SYT1: variants seen among roughly 807,000 people sequenced by gnomAD.
SYT1 encodes the protein synaptotagmin 1, also known as synaptotagmin-1.
In SYT1, 8 loss-of-function variants were observed where a neutral mutation model predicts 44.8. The observed-to-expected ratio is 0.18, with a 90% confidence interval of 0.10 to 0.32. The LOEUF (loss-of-function observed/expected upper bound fraction) is 0.32, where lower values mean the gene tolerates loss of function less well. Among genes scored for constraint, SYT1 ranks in the 10% least tolerant of loss-of-function variants. The pLI, the probability that SYT1 is intolerant of heterozygous loss-of-function variation, is 1.00. For missense variants in SYT1, 286 were observed against 509.3 expected (o/e 0.56, Z 4.22); for synonymous variants, 154 against 188.8 (o/e 0.82, Z 1.51).
intron 1 of SYT1, among the ~76,000 whole-genome samples, chr12:78,927,809 C>G (rs773809795): frequency 1.3e-5 from 2 of 152,150 alleles, no homozygotes; most frequent in South Asian, 4.1e-4. Flanking sequence ...ATAAAGAACT[C>G]ATTGCTTTCT....
intron 3 of SYT1, among the ~76,000 whole-genome samples, chr12:79,082,883 G>A (rs1240462709): frequency 1.3e-5 from 2 of 152,168 alleles, no homozygotes; most frequent in African/African-American, 2.4e-5. Context: ...TCCTTGCCAG[G>A]TGAACACGTC....
At chr12:79,356,095 G>T (rs1883100251) in intron 9 of SYT1, among the ~76,000 whole-genome samples, 1 of 151,454 alleles carries the variant, frequency 6.6e-6, no homozygotes, top group Admixed American at 6.6e-5. Flanking sequence ...AAGAAGTGAT[G>T]AATTGAGCCA....
intron 3 of SYT1, among the ~76,000 whole-genome samples, chr12:79,112,036 A>AG (rs1879041348): frequency 6.6e-6 from 1 of 152,106 alleles, no homozygotes; most frequent in Admixed American, 6.5e-5. Flanking sequence ...GAAAAAAAAA[A>AG]AAACACAAAG....
At chr12:78,921,086 A>C (rs894972189) in intron 1 of SYT1, among the ~76,000 whole-genome samples, 1 of 151,998 alleles carries the variant, frequency 6.6e-6, no homozygotes, top group Non-Finnish European at 1.5e-5. Flanking sequence ...CCAAATAACT[A>C]AAATTAAAAG....
intron 3 of SYT1, among the ~76,000 whole-genome samples, chr12:79,161,575 A>G (rs1870952658): frequency 6.6e-6 from 1 of 152,180 alleles, no homozygotes; most frequent in African/African-American, 2.4e-5. Flanking sequence ...AACTACTACT[A>G]TATAATGGAT....
intron 8 of SYT1, among the ~76,000 whole-genome samples, chr12:79,328,938 A>G (rs796464832): frequency 2.6e-5 from 4 of 152,306 alleles, no homozygotes; most frequent in Admixed American, 6.5e-5. Flanking sequence ...GCCCTGAAGA[A>G]TAGCAAGCAT....
At position 79,292,136 on chromosome 12, in the gene SYT1, A is replaced by C; in HGVS notation, c.474+6A>C. The C allele has an allele frequency of 6.2e-7, 1 of 1,609,936 alleles. No individual in the cohort carries two copies. Among genetic ancestry groups the C allele is most frequent in the Non-Finnish European group, 8.5e-7 (1 of 1,178,852 alleles). ...ATGATTTCCAAAATAACCAGGTCTG[A>C]AGTGGAGAAATGTCTTCTAATTCCA... On this transcript the variant is annotated splice_donor_region_variant and intron_variant, in intron 6 of 10. Coordinates refer to ENST00000261205, the MANE Select transcript of SYT1 (RefSeq NM_005639.3).
intron 4 of SYT1, among the ~76,000 whole-genome samples, chr12:79,268,187 A>G (rs1447595522): frequency 3.3e-5 from 5 of 152,210 alleles, no homozygotes; most frequent in African/African-American, 1.2e-4. Context: ...GTATATCAAA[A>G]CAATATGATA....
At chr12:78,899,045 G>A (rs919970225) in intron 1 of SYT1, among the ~76,000 whole-genome samples, 1 of 151,962 alleles carries the variant, frequency 6.6e-6, no homozygotes, top group Admixed American at 6.6e-5. Context: ...GCATGACTCT[G>A]TATTAACTTT....
intron 3 of SYT1, among the ~76,000 whole-genome samples, chr12:79,067,149 T>C (rs1875928232): frequency 6.6e-6 from 1 of 152,200 alleles, no homozygotes. Flanking sequence ...ACATGCTTTT[T>C]CAAAAGTGTT....
At chr12:79,021,508 A>G (rs1872191383) in intron 2 of SYT1, among the ~76,000 whole-genome samples, 1 of 151,910 alleles carries the variant, frequency 6.6e-6, no homozygotes, top group East Asian at 1.9e-4. Flanking sequence ...CTTTCTTAAA[A>G]AAATCAATTA....
chr12:78,907,285 A>G (rs1264328625), intron 1 of SYT1, among the ~76,000 whole-genome samples: 1 of 152,096 alleles, frequency 6.6e-6, no homozygotes, highest in Non-Finnish European at 1.5e-5. Context: ...GGATGCCTGC[A>G]AAAACCACCC....
At chr12:78,882,939 G>A (rs1161368825) in intron 1 of SYT1, among the ~76,000 whole-genome samples, 1 of 151,358 alleles carries the variant, frequency 6.6e-6, no homozygotes, top group African/African-American at 2.4e-5. Flanking sequence ...TCCTCTGGGT[G>A]TGAAAACTCA....
chr12:78,882,127 C>T (rs563417399), intron 1 of SYT1, among the ~76,000 whole-genome samples: 2 of 151,860 alleles, frequency 1.3e-5, no homozygotes, highest in African/African-American at 4.8e-5. Context: ...GCCAGTTACA[C>T]TCAACACCTG....
intron 1 of SYT1, among the ~76,000 whole-genome samples, chr12:78,883,071 T>C (rs1221955345): frequency 1.3e-5 from 2 of 151,742 alleles, no homozygotes; most frequent in East Asian, 1.9e-4. Context: ...ATTACTTGAT[T>C]ACCCAGTTGA....
chr12:79,279,620 C>G (rs2138805252), intron 4 of SYT1, among the ~76,000 whole-genome samples: 1 of 152,218 alleles, frequency 6.6e-6, no homozygotes, highest in South Asian at 2.1e-4. Flanking sequence ...AGTTTTACCA[C>G]TTCCATTCAA....
chr12:79,075,481 A>G (rs1249808721), intron 3 of SYT1, among the ~76,000 whole-genome samples: 3 of 152,208 alleles, frequency 2.0e-5, no homozygotes, highest in African/African-American at 7.2e-5. Context: ...AAATAGAGCC[A>G]TGTTTGGTTG....
Position 79,451,646 on chromosome 12 carries a change from T to C in SYT1, c.*2522T>C, listed in dbSNP as rs1487929316. 6.6e-6 allele frequency: 1 copy of C among 152,222 alleles called. No individual in the cohort carries two copies. Among genetic ancestry groups the C allele is most frequent in the Non-Finnish European group, 1.5e-5 (1 of 68,044 alleles). 9.4% of individuals were successfully genotyped at this position (152,222 alleles called of 1,614,324 possible). A position where few individuals can be genotyped will look rare whatever the true frequency, so the allele number is the denominator to read the frequency against. ...CACAAGTCAGTGATGGAACCTGCTTTATGACCAAGATTCATCCTCAAATAA... is the reference window on the plus strand; with the variant it reads ...CACAAGTCAGTGATGGAACCTGCTTCATGACCAAGATTCATCCTCAAATAA... On this transcript the variant is annotated 3_prime_UTR_variant, in exon 11 of 11. Coordinates refer to ENST00000261205, the MANE Select transcript of SYT1 (RefSeq NM_005639.3).
Position 78,999,542 on chromosome 12 carries a change from G to A in SYT1, c.-84+21611G>A, listed in dbSNP as rs1870597855. ...CTTTTCTAATCCCTCCAGCCTGGAA[G>A]AAATAGTCTACTTTGGATGGAATGT... On this transcript the variant is annotated intron_variant, in intron 2 of 10. Transcript: ENST00000261205. Among the ~76,000 whole-genome samples the A allele has an allele frequency of 3.3e-5, 5 of 152,114 alleles. No individual in the cohort carries two copies. In the South Asian group the frequency reaches 1.0e-3, roughly 32 times the overall value.
Sources: allele counts gnomAD v4.1 joint callset (sites outside exome capture counted in the v4.1 genomes callset), GRCh38; gene constraint gnomAD v4.1.1; transcripts MANE v1.5; gene names NCBI Gene and HGNC (gene_info 2026-07-23, HGNC 2026-07-21).